SLC6A17: variants seen among roughly 807,000 people sequenced by gnomAD.
SLC6A17 encodes the protein sodium-dependent neutral amino acid transporter SLC6A17.
A neutral mutation model predicts 64.5 loss-of-function variants in SLC6A17; 21 were observed. The observed-to-expected ratio is 0.33, with a 90% CI of 0.23 to 0.47. SLC6A17 has a LOEUF of 0.47. Among genes scored for constraint, SLC6A17 ranks in the 20% least tolerant of loss-of-function variants. The probability of loss-of-function intolerance (pLI) is 1.00; values close to 1 mark genes in which losing one functional copy is unlikely to be tolerated. For synonymous variants in SLC6A17, 372 were observed against 399.5 expected, an observed-to-expected ratio of 0.93 and a Z score of 0.82; for missense variants, 682 against 963.2, an observed-to-expected ratio of 0.71 and a Z score of 3.86.
chr1:110,197,952 C>T, intron 11 of SLC6A17, 124 bp from the exon 12 acceptor site: 3 of 1,468,024 alleles, frequency 2.0e-6, no homozygotes, highest in East Asian at 4.6e-5. Flanking sequence ...TGTGCCTGGC[C>T]AGGATGGTGG....
chr1:110,197,080 C>A (rs952680897), intron 10 of SLC6A17, among the ~76,000 whole-genome samples: 2 of 152,226 alleles, frequency 1.3e-5, no homozygotes, highest in African/African-American at 4.8e-5. Flanking sequence ...ACTTCTACTG[C>A]TTTTCCAGCA....
intron 6 of SLC6A17, among the ~76,000 whole-genome samples, chr1:110,180,051 C>T (rs1335131865): frequency 6.6e-6 from 1 of 152,022 alleles, no homozygotes; most frequent in Non-Finnish European, 1.5e-5. Flanking sequence ...AGTTAGATAC[C>T]AGCCTGAGTA....
chr1:110,170,222 C>A (rs1334676338), intron 2 of SLC6A17, among the ~76,000 whole-genome samples: 1 of 152,174 alleles, frequency 6.6e-6, no homozygotes, highest in Non-Finnish European at 1.5e-5. Context: ...CAGTGGCTCA[C>A]ACCTGTAATC....
intron 6 of SLC6A17, among the ~76,000 whole-genome samples, chr1:110,180,835 A>G (rs763130405): frequency 1.3e-4 from 20 of 152,142 alleles, no homozygotes; most frequent in Non-Finnish European, 2.6e-4. Flanking sequence ...GCAGAGTCCA[A>G]GAATTTTTGG....
At position 110,198,135 on chromosome 1, in the gene SLC6A17, C is replaced by T. The variant is rs546124318; in HGVS notation, c.1875C>T (p.Ile625=). The change falls in exon 12 of 12, where the codon ATC becomes ATT. Residue 625 remains isoleucine, a synonymous_variant. Coordinates refer to ENST00000331565, the MANE Select transcript of SLC6A17 (RefSeq NM_001010898.4). ...CCATGGCACTCCTGATCACCCTCAT[C>T]GTCGTGGCGACGCTGCCCATCCCTG... ...NWAMALLITL[I]VVATLPIPVV... The T allele has an allele frequency of 1.2e-5, 19 of 1,614,044 alleles. No homozygotes were observed. The highest frequency in any genetic ancestry group is 8.8e-5 in the South Asian group (8 of 91,074).
At chr1:110,158,131 G>T (rs1381733873) in intron 1 of SLC6A17, among the ~76,000 whole-genome samples, 2 of 152,158 alleles carry the variant, frequency 1.3e-5, no homozygotes, top group African/African-American at 2.4e-5. Flanking sequence ...ATGGAGCAGG[G>T]ACATTATTTG....
intron 6 of SLC6A17, among the ~76,000 whole-genome samples, chr1:110,180,697 T>G (rs1162882062): frequency 1.3e-5 from 2 of 152,168 alleles, no homozygotes; most frequent in South Asian, 2.1e-4. Context: ...CCATTTCAAG[T>G]TCTTGCCCTA....
intron 10 of SLC6A17, 25 bp downstream of exon 10, chr1:110,195,770 G>C: frequency 1.2e-6 from 2 of 1,613,692 alleles, no homozygotes; most frequent in Non-Finnish European, 1.7e-6. Flanking sequence ...GGGGAAAGGT[G>C]GGATGGGAGG....
At chr1:110,176,356 G>T (rs1320863663) in intron 5 of SLC6A17, among the ~76,000 whole-genome samples, 3 of 152,110 alleles carry the variant, frequency 2.0e-5, no homozygotes, top group Non-Finnish European at 2.9e-5. Context: ...CAGCCCTCTG[G>T]GGTGAGGAGG....
chr1:110,176,620 T>C lies in SLC6A17; in HGVS notation c.754-9T>C. 6.2e-7 allele frequency: 1 copy of C among 1,613,788 alleles called. No homozygotes were observed. Among genetic ancestry groups the C allele is most frequent in the Non-Finnish European group, 8.5e-7 (1 of 1,179,748 alleles). ...TCTGCCTGATGGGGGTTCCCTGTCC[T>C]CTCTGCAGGTGATGTATTTCAGCTC... On this transcript the variant is annotated splice_polypyrimidine_tract_variant and intron_variant, in intron 5 of 11. Transcript: ENST00000331565.
intron 1 of SLC6A17, among the ~76,000 whole-genome samples, chr1:110,155,253 TTC>T (rs1655725574): frequency 6.6e-6 from 1 of 152,232 alleles, no homozygotes; most frequent in Non-Finnish European, 1.5e-5. Flanking sequence ...CCTTTGATAA[TTC>T]TCTTTCTCTT....
chr1:110,160,889 G>A (rs754452492), intron 1 of SLC6A17, among the ~76,000 whole-genome samples: 45 of 151,846 alleles, frequency 3.0e-4, no homozygotes, highest in Non-Finnish European at 5.7e-4. Flanking sequence ...TGAAGGCAAT[G>A]TGTAGGATGC....
At chr1:110,181,676 G>A (rs557616377) in intron 6 of SLC6A17, among the ~76,000 whole-genome samples, 10 of 152,350 alleles carry the variant, frequency 6.6e-5, no homozygotes, top group African/African-American at 1.9e-4. Context: ...GGACAGTACC[G>A]TCAAGGAACG....
chr1:110,196,934 C>T (rs1430881037), intron 10 of SLC6A17, among the ~76,000 whole-genome samples: 1 of 152,122 alleles, frequency 6.6e-6, no homozygotes, highest in Non-Finnish European at 1.5e-5. Flanking sequence ...TTTTAGTTAG[C>T]GGTTATTGAG....
rs75177420 is a variant in SLC6A17 at position 110,192,905 on chromosome 1, A to G, written c.1299+207A>G. On this transcript the variant is annotated intron_variant, in intron 8 of 11. Transcript: ENST00000331565. This position sits in a 1 kb window ranked among gnomAD's most constrained non-coding sequence, Gnocchi z 4.3. ...CCCAGAGGTAGGCTTGAGCCTAGAC[A>G]AGAAGTAGGGCAGACACACACCTCT... Among the ~76,000 whole-genome samples, 980 of 152,356 alleles carry G rather than the reference A, an allele frequency of 6.4e-3. 12 individuals are homozygous for G. The highest frequency in any genetic ancestry group is 0.022 in the African/African-American group (930 of 41,574).
chr1:110,180,342 A>C (rs1656489199), intron 6 of SLC6A17, among the ~76,000 whole-genome samples: 2 of 152,208 alleles, frequency 1.3e-5, no homozygotes, highest in East Asian at 1.9e-4. Flanking sequence ...CTAAAAACAA[A>C]CCCACATTTT....
At chr1:110,153,958 A>G (rs530865362) in intron 1 of SLC6A17, among the ~76,000 whole-genome samples, 114 of 152,180 alleles carry the variant, frequency 7.5e-4, no homozygotes, top group Non-Finnish European at 1.5e-3. Flanking sequence ...GCCAGAGGTC[A>G]GAAGCACAGA....
intron 1 of SLC6A17, among the ~76,000 whole-genome samples, chr1:110,154,148 G>A (rs559241949): frequency 6.6e-6 from 1 of 152,322 alleles, no homozygotes; most frequent in South Asian, 2.1e-4. Flanking sequence ...CTTCTGTGCT[G>A]TGCTAAGTGC....
chr1:110,192,692 G>A lies in SLC6A17; in HGVS notation c.1293G>A (p.Leu431=), dbSNP rs148433146. ...GLDPCLLEDE[L]DKSVQGTGLA... is the part of the protein sequence containing the mutation. ...ACCCCTGCCTTCTGGAGGACGAGCT[G>A]GACAAGGTGCGGGGACAGGCTGCCC... The change falls in exon 8 of 12, where the codon CTG becomes CTA. Residue 431 remains leucine, a synonymous_variant. Transcript: ENST00000331565. This position sits in a 1 kb window ranked among gnomAD's most constrained non-coding sequence, Gnocchi z 4.3. 1.1e-5 allele frequency: 17 copies of A among 1,613,004 alleles called. No individual in the cohort carries two copies. The highest frequency in any genetic ancestry group is 1.7e-5 in the Admixed American group (1 of 59,930).
Sources: allele counts gnomAD v4.1 joint callset (sites outside exome capture counted in the v4.1 genomes callset), GRCh38; gene constraint gnomAD v4.1.1; non-coding constraint Gnocchi (gnomAD v3.1); transcripts MANE v1.5; gene names NCBI Gene and HGNC (gene_info 2026-07-23, HGNC 2026-07-21).